ITCH: variants seen among roughly 807,000 people sequenced by gnomAD.
ITCH encodes itchy E3 ubiquitin protein ligase.
Under a neutral mutation model 126.8 loss-of-function variants are expected in ITCH, and 28 were observed. The ratio of observed to expected loss-of-function variants is 0.22; its 90% confidence interval spans 0.16 to 0.30. The LOEUF (loss-of-function observed/expected upper bound fraction) is 0.30, where lower values mean the gene tolerates loss of function less well. Ranked by LOEUF, ITCH falls within the 10% of genes least tolerant of loss-of-function variation. The pLI is 1.00. For synonymous variants in ITCH, 342 were observed against 340.0 expected (o/e 1.01, Z -0.06); for missense variants, 631 against 1,032.4 (o/e 0.61, Z 5.33).
At chr20:34,503,869 G>T (rs71337948) in intron 23 of ITCH, among the ~76,000 whole-genome samples, 52,979 of 113,530 alleles carry the variant, frequency 0.47, 11,868 homozygotes, top group Non-Finnish European at 0.52. Context: ...TTTTTTTTTT[G>T]GTTTTTTTTT....
chr20:34,461,444 C>G (rs1362424050), intron 13 of ITCH, among the ~76,000 whole-genome samples: 3 of 151,944 alleles, frequency 2.0e-5, no homozygotes, highest in Non-Finnish European at 4.4e-5. Flanking sequence ...GGCGCAGTGG[C>G]TCACGCCTGT....
At chr20:34,410,056 A>G (rs79740800) in intron 4 of ITCH, among the ~76,000 whole-genome samples, 1 of 31,792 alleles carries the variant, frequency 3.1e-5, no homozygotes, top group African/African-American at 1.5e-4. Flanking sequence ...AAAGACAAAC[A>G]AAAAAAAAAA....
intron 24 of ITCH, among the ~76,000 whole-genome samples, chr20:34,507,289 TG>T (rs555919518): frequency 0.2 from 13,428 of 67,892 alleles, 1,013 homozygotes; most frequent in South Asian, 0.31. Context: ...TTTTTTTTTT[TG>T]GTTGTTGTTG....
intron 2 of ITCH, among the ~76,000 whole-genome samples, chr20:34,376,096 A>G (rs754711980): frequency 1.3e-5 from 2 of 152,150 alleles, no homozygotes; most frequent in Non-Finnish European, 2.9e-5. Context: ...TGGGCCAAAC[A>G]AATTACCACT....
intron 7 of ITCH, among the ~76,000 whole-genome samples, chr20:34,425,789 G>A (rs1981435906): frequency 2.6e-5 from 4 of 151,996 alleles, no homozygotes; most frequent in Non-Finnish European, 5.9e-5. Context: ...CACTCCCCTC[G>A]CCAAGATAGT....
At chr20:34,372,237 G>A (rs1382095600) in intron 2 of ITCH, among the ~76,000 whole-genome samples, 36 of 147,070 alleles carry the variant, frequency 2.4e-4, no homozygotes, top group African/African-American at 7.3e-4. Context: ...CCTGGGAGGC[G>A]GAGCTTGCAG....
intron 2 of ITCH, among the ~76,000 whole-genome samples, chr20:34,375,638 A>C (rs1341598448): frequency 1.3e-5 from 2 of 150,588 alleles, no homozygotes; most frequent in Non-Finnish European, 2.9e-5. Flanking sequence ...CAATTAAAAT[A>C]ATTTAAAAAT....
chr20:34,480,758 A>T lies in ITCH; in HGVS notation c.1952+26A>T, dbSNP rs6059861. On this transcript the variant is annotated intron_variant, in intron 19 of 24. Transcript: ENST00000374864. The stretch of plus-strand genomic sequence containing the variant: ...GTAAGTTTCTTTTTCCATGTAATTT[A>T]TTAAAATATAGTTATATGCATTCCG... 0.48 allele frequency: 741,368 copies of T among 1,536,482 alleles called. 182,642 individuals are homozygous for T. The highest frequency in any genetic ancestry group is 0.55 in the Middle Eastern group (3,034 of 5,500).
At chr20:34,414,914 AATCTT>A (rs1276672833) in intron 6 of ITCH, among the ~76,000 whole-genome samples, 1 of 152,216 alleles carries the variant, frequency 6.6e-6, no homozygotes, top group Non-Finnish European at 1.5e-5. Context: ...TGTGTTAGTA[AATCTT>A]ACAATCTCTG....
At chr20:34,379,320 G>C (rs1022561111) in intron 2 of ITCH, among the ~76,000 whole-genome samples, 1 of 152,004 alleles carries the variant, frequency 6.6e-6, no homozygotes, top group African/African-American at 2.4e-5. Context: ...TATTTTTATT[G>C]TGGTAAAATA....
chr20:34,382,761 T>TATTTG (rs2038116000), intron 2 of ITCH, among the ~76,000 whole-genome samples: 1 of 149,676 alleles, frequency 6.7e-6, no homozygotes, highest in South Asian at 2.1e-4. Context: ...ATTATTATTT[T>TATTTG]GAGACAGAGT....
At chr20:34,468,975 A>G (rs1223925514) in intron 14 of ITCH, among the ~76,000 whole-genome samples, 1 of 152,224 alleles carries the variant, frequency 6.6e-6, no homozygotes, top group African/African-American at 2.4e-5. Flanking sequence ...GTCAATGTAC[A>G]AAATCAGTTG....
chr20:34,488,189 T>TAA (rs1246884761), intron 20 of ITCH, among the ~76,000 whole-genome samples: 1 of 146,614 alleles, frequency 6.8e-6, no homozygotes, highest in East Asian at 2.0e-4. Context: ...CCTTTGGCTT[T>TAA]AAAAAAAAAA....
intron 2 of ITCH, among the ~76,000 whole-genome samples, chr20:34,384,658 C>CTTT (rs5841172): frequency 4.2e-5 from 3 of 71,102 alleles, no homozygotes; most frequent in Admixed American, 1.7e-4. Context: ...ATATTAGGGT[C>CTTT]TTTTTTTTTT....
chr20:34,379,971 A>G (rs2037996162), intron 2 of ITCH, among the ~76,000 whole-genome samples: 1 of 131,258 alleles, frequency 7.6e-6, no homozygotes, highest in Non-Finnish European at 1.5e-5. Flanking sequence ...ATGTTGGCTC[A>G]CTGCAACCTC....
chr20:34,385,756 A>G (rs1210930368), intron 2 of ITCH, among the ~76,000 whole-genome samples: 4 of 152,026 alleles, frequency 2.6e-5, no homozygotes, highest in Non-Finnish European at 4.4e-5. Flanking sequence ...TTTTTTGCAT[A>G]TGCTTTAGAA....
At chr20:34,472,029 AT>A (rs957502263) in intron 16 of ITCH, among the ~76,000 whole-genome samples, 4 of 152,146 alleles carry the variant, frequency 2.6e-5, no homozygotes, top group African/African-American at 9.7e-5. Context: ...AAAAAGATAT[AT>A]ATGAGTTTTC....
intron 2 of ITCH, among the ~76,000 whole-genome samples, chr20:34,385,210 TG>T (rs2038230799): frequency 2.1e-5 from 3 of 141,744 alleles, no homozygotes; most frequent in Admixed American, 7.3e-5. Context: ...TGTGTGTGTG[TG>T]TGTGTGTGTG....
chr20:34,463,599 A>G (rs150350572), intron 14 of ITCH, among the ~76,000 whole-genome samples: 31 of 145,110 alleles, frequency 2.1e-4, no homozygotes, highest in African/African-American at 7.6e-4. Context: ...GTTCTCATCA[A>G]CTCTTCTGTT....
Sources: allele counts gnomAD v4.1 joint callset (sites outside exome capture counted in the v4.1 genomes callset), GRCh38; gene constraint gnomAD v4.1.1; transcripts MANE v1.5; gene names NCBI Gene and HGNC (gene_info 2026-07-23, HGNC 2026-07-21).